MYOM1: variants seen among roughly 807,000 people sequenced by gnomAD.
MYOM1 encodes the protein myomesin 1.
A neutral mutation model predicts 205.3 loss-of-function variants in MYOM1; 164 were observed. The ratio of observed to expected loss-of-function variants is 0.80; its 90% confidence interval spans 0.70 to 0.91. The LOEUF is 0.91. Among genes scored for constraint, MYOM1 ranks in the 40% least tolerant of loss-of-function variants. MYOM1 has a pLI of 0.00. For synonymous variants in MYOM1, 772 were observed against 789.4 expected (o/e 0.98, Z 0.37); for missense variants, 2,011 against 2,127.3 (o/e 0.95, Z 1.08).
In MYOM1 at chr18:3,176,042, C is replaced by T. The variant is rs8099021; in HGVS notation, c.1022G>A (p.Gly341Glu). The stretch of plus-strand genomic sequence containing the variant: ...CACATGGACACTAATGTTCTCTTAC[C>T]CATTAATCTCCAGAGTGTGCATCCC... ...RYGMHTLEINGCDFEDTAQYR... is the reference protein window; with the variant it reads ...RYGMHTLEINECDFEDTAQYR... Residue 341 changes from glycine to glutamate, a missense_variant and splice_region_variant, in exon 6 of 38, where the codon GGA becomes GAA. By Grantham distance (98) the Gly-to-Glu change is moderately conservative. Coordinates refer to ENST00000356443, the MANE Select transcript of MYOM1 (RefSeq NM_003803.4). The T allele has an allele frequency of 2.6e-6, 4 of 1,560,634 alleles. No individual in the cohort carries two copies. The highest frequency in any genetic ancestry group is 3.5e-6 in the Non-Finnish European group (4 of 1,131,708).
rs2080696748 is a variant in MYOM1, at chr18:3,179,421, C to G, written c.930-3287G>C. Among the ~76,000 whole-genome samples the G allele has an allele frequency of 6.6e-6, 1 of 152,118 alleles. No homozygotes were observed. Among genetic ancestry groups the G allele is most frequent in the Non-Finnish European group, 1.5e-5 (1 of 68,020 alleles). Reference sequence around the variant, plus strand: ...CTCAAGTTGGTCTCAAATTCCTGGGCTCAAGCGATCCCCCTGCCTCAGCCT... The same window carrying G: ...CTCAAGTTGGTCTCAAATTCCTGGGGTCAAGCGATCCCCCTGCCTCAGCCT... On this transcript the variant is annotated intron_variant, in intron 5 of 37. Transcript: ENST00000356443. The surrounding 1 kb of genome is among the most constrained non-coding windows in gnomAD (Gnocchi z 4.4).
rs2079947217 is a variant in MYOM1, at chr18:3,135,678, T to C, written c.2078A>G (p.Lys693Arg). ...WQRVNTELPV[K>R]SPRFALFDLA... is the part of the protein sequence containing the mutation. ...GTCAAACAGAGCAAAGCGGGGAGAC[T>C]TCACAGGGAGCTCCGTGTTCACTCG... Residue 693 changes from lysine (K) to arginine (R), a missense_variant, in exon 15 of 38, where the codon AAG (lysine) becomes AGG (arginine). By Grantham distance (26) the Lys-to-Arg change is conservative. Transcript: ENST00000356443. This position sits in a 1 kb window ranked among gnomAD's most constrained non-coding sequence, Gnocchi z 4.1. The C allele has an allele frequency of 6.2e-7, 1 of 1,613,794 alleles. No individual in the cohort carries two copies. Among genetic ancestry groups the C allele is most frequent in the Non-Finnish European group, 8.5e-7 (1 of 1,179,874 alleles).
At chr18:3,156,339 T>G (rs1034924423) in intron 10 of MYOM1, among the ~76,000 whole-genome samples, 1 of 152,202 alleles carries the variant, frequency 6.6e-6, no homozygotes, top group African/African-American at 2.4e-5. Flanking sequence ...GTAACTCTTA[T>G]GAGTTACAAG....
At chr18:3,108,261 A>G (rs941284017) in intron 22 of MYOM1, among the ~76,000 whole-genome samples, 61 of 152,190 alleles carry the variant, frequency 4.0e-4, no homozygotes, top group African/African-American at 5.6e-4. Context: ...GATTTTGTCT[A>G]TGCAGTGGGA....
At chr18:3,191,182 G>T (rs989333526) in intron 3 of MYOM1, among the ~76,000 whole-genome samples, 1 of 152,088 alleles carries the variant, frequency 6.6e-6, no homozygotes, top group East Asian at 1.9e-4. Flanking sequence ...AAAATCTCCC[G>T]GTACTCTGCG....
chr18:3,070,639 C>T (rs966615112), intron 37 of MYOM1, among the ~76,000 whole-genome samples: 1 of 151,880 alleles, frequency 6.6e-6, no homozygotes, highest in African/African-American at 2.4e-5. Flanking sequence ...TTACCTGATG[C>T]CAAATTTACA....
chr18:3,150,152 C>T (rs534502357), intron 12 of MYOM1, among the ~76,000 whole-genome samples: 4 of 152,228 alleles, frequency 2.6e-5, no homozygotes, highest in East Asian at 3.9e-4. Context: ...CTCCGCCTCC[C>T]GGGTTCAAAT....
In MYOM1 at chr18:3,112,408, C is replaced by G. The variant is rs186972208; in HGVS notation, c.3308G>C (p.Arg1103Pro). 1 of 1,596,928 alleles carries G rather than the reference C, an allele frequency of 6.3e-7. No individual in the cohort carries two copies. The highest frequency in any genetic ancestry group is 1.1e-5 in the South Asian group (1 of 89,144). ...AAIKNVYLKV[R>P]GLKEGVSYVF... Reference sequence around the variant, plus strand: ...GTAGCTGACGCCCTCCTTGAGGCCTCGAACCTGGTAGAAGCAGGTGTAGAA... The same window carrying G: ...GTAGCTGACGCCCTCCTTGAGGCCTGGAACCTGGTAGAAGCAGGTGTAGAA... The change falls in exon 22 of 38, where the codon CGA becomes CCA. Residue 1103 changes from arginine to proline, a missense_variant. Coordinates refer to ENST00000356443, the MANE Select transcript of MYOM1 (RefSeq NM_003803.4).
chr18:3,116,564 G>A (rs745335773), intron 20 of MYOM1, 49 bp from the exon 21 acceptor site: 7 of 1,462,762 alleles, frequency 4.8e-6, no homozygotes, highest in East Asian at 2.3e-5. Context: ...GAGAAAACTC[G>A]TCTCCACACG....
intron 2 of MYOM1, among the ~76,000 whole-genome samples, chr18:3,201,042 T>A (rs932691527): frequency 4.6e-5 from 7 of 152,130 alleles, no homozygotes; most frequent in Non-Finnish European, 7.3e-5. Context: ...ATGGTAGACT[T>A]CTCATCAGGA....
chr18:3,206,727 A>T (rs1360301563), intron 2 of MYOM1, among the ~76,000 whole-genome samples: 1 of 152,160 alleles, frequency 6.6e-6, no homozygotes, highest in African/African-American at 2.4e-5. Context: ...ACACACATGG[A>T]GGTTTCAGGA....
chr18:3,089,548 A>G lies in MYOM1; in HGVS notation c.4058T>C (p.Ile1353Thr), dbSNP rs1184362076. Residue 1353 changes from isoleucine to threonine, a missense_variant, in exon 28 of 38, where the codon ATC (isoleucine) becomes ACC (threonine). By Grantham distance (89) the Ile-to-Thr change is moderately conservative. Transcript: ENST00000356443. ...KEAEFQRQEW[I>T]RKQGPHFVEY... ...CGGCCTATTTTTACCTTGTTTCCTG[A>G]TCCATTCTTGCCGCTGGAATTCAGC... 3 of 1,608,452 alleles carry G rather than the reference A, an allele frequency of 1.9e-6. No individual in the cohort carries two copies. The highest frequency in any genetic ancestry group is 2.2e-5 in the South Asian group (2 of 89,936).
intron 19 of MYOM1, among the ~76,000 whole-genome samples, chr18:3,125,742 T>C (rs2079770968): frequency 6.6e-6 from 1 of 152,086 alleles, no homozygotes. Flanking sequence ...GGTGGTAGCT[T>C]GGATGTAGCT....
chr18:3,232,647 A>T, the MYOM1 span, among the ~76,000 whole-genome samples: 1 of 152,232 alleles, frequency 6.6e-6, no homozygotes, highest in African/African-American at 2.4e-5. Context: ...AGCCATTTTT[A>T]AAAATGTCTA....
At chr18:3,136,514 T>C (rs7243873) in intron 14 of MYOM1, among the ~76,000 whole-genome samples, 106,685 of 151,782 alleles carry the variant, frequency 0.7, 38,159 homozygotes, top group African/African-American at 0.77. Flanking sequence ...CAGCCTTGAC[T>C]TCTTTGGGTT....
rs141390325 is a variant in MYOM1, at chr18:3,126,438, C to T, written c.2991+263G>A. 8.9e-4 allele frequency among the ~76,000 whole-genome samples: 134 copies of T among 151,266 alleles called. 1 individual carries two copies. In the Middle Eastern group the frequency reaches 0.017, roughly 19 times the overall value. On this transcript the variant is annotated intron_variant, in intron 19 of 37. Coordinates refer to ENST00000356443, the MANE Select transcript of MYOM1 (RefSeq NM_003803.4). ...GTTTTGAAAAAAAAATTAGTTTGTA[C>T]AGTAAGCGCACATTTCATAGTAAAT...
At chr18:3,113,298 CTATATATATATA>C (rs70964105) in intron 21 of MYOM1, among the ~76,000 whole-genome samples, 2 of 145,238 alleles carry the variant, frequency 1.4e-5, no homozygotes, top group Admixed American at 6.9e-5. Flanking sequence ...GTGTTTGTGT[CTATATATATATA>C]TATATATATA....
At chr18:3,073,498 C>T (rs751372297) in intron 36 of MYOM1, among the ~76,000 whole-genome samples, 18 of 152,234 alleles carry the variant, frequency 1.2e-4, no homozygotes, top group South Asian at 2.1e-4. Context: ...CATTCTACTG[C>T]TAATTCCATC....
chr18:3,233,483 A>G, the MYOM1 span, among the ~76,000 whole-genome samples: 1 of 152,164 alleles, frequency 6.6e-6, no homozygotes, highest in Non-Finnish European at 1.5e-5. Flanking sequence ...CCTCAAGCAA[A>G]TAATGAACTG....
Sources: allele counts gnomAD v4.1 joint callset (sites outside exome capture counted in the v4.1 genomes callset), GRCh38; gene constraint gnomAD v4.1.1; non-coding constraint Gnocchi (gnomAD v3.1); transcripts MANE v1.5; gene names NCBI Gene and HGNC (gene_info 2026-07-23, HGNC 2026-07-21).